The following MALRD1 variants were observed in gnomAD, a reference collection of about 807,000 sequenced individuals.
MALRD1 encodes the protein MAM and LDL receptor class A domain containing 1, also known as MAM and LDL-receptor class A domain-containing protein 1.
In MALRD1, 247 loss-of-function variants were observed where a neutral mutation model predicts 242.1. That is an observed-to-expected ratio of 1.02 (90% confidence interval 0.92 to 1.13). The LOEUF is 1.13. MALRD1 is among the 50% of genes most tolerant of loss of function. The pLI is 0.00. For synonymous variants in MALRD1, 995 were observed against 866.6 expected (o/e 1.15, Z -2.60); for missense variants, 2,989 against 2,533.1 (o/e 1.18, Z -3.86).
Position 19,650,238 on chromosome 10 carries a change from G to T in MALRD1, c.6137+34315G>T, listed in dbSNP as rs893055720. Among the ~76,000 whole-genome samples the T allele has an allele frequency of 1.1e-4, 17 of 152,124 alleles. No individual in the cohort carries two copies. In the South Asian group the frequency reaches 2.3e-3, roughly 20 times the overall value. ...TATCCTATCTGAAAAAGTCTACAGTGATGAAGCAAAAAGGAATTGTCCAAT... is the reference window on the plus strand; with the variant it reads ...TATCCTATCTGAAAAAGTCTACAGTTATGAAGCAAAAAGGAATTGTCCAAT... On this transcript the variant is annotated intron_variant, in intron 36 of 39. Transcript: ENST00000454679.
At chr10:19,634,432 A>T (rs1237431285) in intron 36 of MALRD1, among the ~76,000 whole-genome samples, 2 of 152,184 alleles carry the variant, frequency 1.3e-5, no homozygotes, top group African/African-American at 4.8e-5. Flanking sequence ...TAGAGTGCCC[A>T]TCACATTATT....
At chr10:19,485,574 C>T (rs555155607) in intron 29 of MALRD1, among the ~76,000 whole-genome samples, 10 of 151,328 alleles carry the variant, frequency 6.6e-5, no homozygotes, top group East Asian at 2.0e-4. Context: ...ACCAAGGAGG[C>T]GGACCTTGCA....
intron 9 of MALRD1, among the ~76,000 whole-genome samples, chr10:19,135,424 G>A (rs1282428965): frequency 6.6e-6 from 1 of 152,178 alleles, no homozygotes; most frequent in Non-Finnish European, 1.5e-5. Context: ...AAAGTGCTGG[G>A]ATTACAGGTG....
At chr10:19,291,686 T>C (rs1235476598) in intron 21 of MALRD1, among the ~76,000 whole-genome samples, 1 of 152,088 alleles carries the variant, frequency 6.6e-6, no homozygotes, top group African/African-American at 2.4e-5. Context: ...TCTCACCTAA[T>C]TCCAATTTTG....
intron 18 of MALRD1, among the ~76,000 whole-genome samples, chr10:19,224,251 G>A (rs1420993244): frequency 2.0e-5 from 3 of 151,182 alleles, no homozygotes; most frequent in Non-Finnish European, 2.9e-5. Flanking sequence ...TAACTGGCGC[G>A]AGATGGTATC....
At chr10:19,178,246 C>T (rs1163519690) in intron 14 of MALRD1, among the ~76,000 whole-genome samples, 1 of 152,068 alleles carries the variant, frequency 6.6e-6, no homozygotes, top group Non-Finnish European at 1.5e-5. Flanking sequence ...TGAATGATTC[C>T]TGAAAGATCA....
chr10:19,097,146 A>T (rs1836068480), intron 4 of MALRD1, among the ~76,000 whole-genome samples: 1 of 152,182 alleles, frequency 6.6e-6, no homozygotes, highest in Admixed American at 6.5e-5. Context: ...CTTCACAAAA[A>T]TCCTCTAAGG....
intron 29 of MALRD1, among the ~76,000 whole-genome samples, chr10:19,467,392 C>CAAAAAAAAA (rs71387079): frequency 1.9e-4 from 10 of 53,736 alleles, no homozygotes; most frequent in African/African-American, 6.6e-4. Context: ...GACTCCGTCT[C>CAAAAAAAAA]AAAAAAAAAA....
At chr10:19,636,674 G>A (rs187241325) in intron 36 of MALRD1, among the ~76,000 whole-genome samples, 35 of 152,146 alleles carry the variant, frequency 2.3e-4, no homozygotes, top group Non-Finnish European at 1.0e-4. Context: ...CGTGGCGAGT[G>A]GATCACCTGA....
At position 19,535,571 on chromosome 10, in the gene MALRD1, A is replaced by G. The variant is rs140357173; in HGVS notation, c.5478+4220A>G. On this transcript the variant is annotated intron_variant, in intron 32 of 39. Coordinates refer to ENST00000454679, the MANE Select transcript of MALRD1 (RefSeq NM_001142308.3). ...TATATACACATATGTACATATATGT[A>G]TATACGTATATATATATATGACAGG... 6.4e-3 allele frequency among the ~76,000 whole-genome samples: 966 copies of G among 150,686 alleles called. 6 individuals carry two copies. The highest frequency in any genetic ancestry group is 0.022 in the African/African-American group (897 of 41,146).
chr10:19,150,250 CT>C (rs1173981075), intron 11 of MALRD1, among the ~76,000 whole-genome samples: 1 of 152,042 alleles, frequency 6.6e-6, no homozygotes, highest in Non-Finnish European at 1.5e-5. Flanking sequence ...TTTTTGCACT[CT>C]GGTTGGTGAT....
rs996177801 is a variant in MALRD1 at position 19,293,164 on chromosome 10, A to C, written c.3419+9983A>C. Among the ~76,000 whole-genome samples the C allele has an allele frequency of 2.0e-5, 3 of 152,198 alleles. No individual in the cohort carries two copies. The East Asian group carries it at 5.8e-4, about 29-fold the overall frequency. ...ATTCTCCCAGCATAATTTCTAACAG[A>C]TCAAGACTTTTAACTAAAATAATGG... On this transcript the variant is annotated intron_variant, in intron 21 of 39. Transcript: ENST00000454679.
intron 25 of MALRD1, among the ~76,000 whole-genome samples, chr10:19,351,218 A>G (rs1844362131): frequency 6.6e-6 from 1 of 152,158 alleles, no homozygotes; most frequent in Non-Finnish European, 1.5e-5. Flanking sequence ...CCTCATTCAC[A>G]CAAATGACAA....
intron 26 of MALRD1, among the ~76,000 whole-genome samples, chr10:19,371,004 G>A (rs1440474972): frequency 2.0e-5 from 3 of 148,254 alleles, no homozygotes; most frequent in Non-Finnish European, 3.0e-5. Context: ...GGTATTGTTG[G>A]ATAGGATATC....
chr10:19,496,028 A>T (rs1161553777), intron 30 of MALRD1, among the ~76,000 whole-genome samples: 1 of 152,234 alleles, frequency 6.6e-6, no homozygotes, highest in Non-Finnish European at 1.5e-5. Flanking sequence ...TAACTATCCT[A>T]AATATATAGG....
At position 19,128,256 on chromosome 10, in the gene MALRD1, A is replaced by G. The variant is rs1190646914; in HGVS notation, c.979A>G (p.Thr327Ala). Residue 327 changes from threonine to alanine, a missense_variant, in exon 8 of 40, where the codon ACT becomes GCT. Physicochemically the swap from Thr to Ala is moderately conservative, Grantham distance 58. Coordinates refer to ENST00000454679, the MANE Select transcript of MALRD1 (RefSeq NM_001142308.3). Reference protein sequence around the residue: ...YVWVGAKHGFTLNHLDSRAYL... With the variant: ...YVWVGAKHGFALNHLDSRAYL... ...ATGGGTAGGCGCTAAGCATGGTTTCACTCTTAACCATTTAGACAGCAGGGC... is the reference window on the plus strand; with the variant it reads ...ATGGGTAGGCGCTAAGCATGGTTTCGCTCTTAACCATTTAGACAGCAGGGC... 8.1e-7 allele frequency: 1 copy of G among 1,233,382 alleles called. No homozygotes were observed. Among genetic ancestry groups the G allele is most frequent in the Non-Finnish European group, 1.0e-6 (1 of 987,846 alleles). 76.4% of individuals were successfully genotyped at this position (1,233,382 alleles called of 1,614,324 possible).
At chr10:19,123,408 A>G (rs960931114) in intron 5 of MALRD1, 84 bp from the exon 6 acceptor site, 3 of 706,270 alleles carry the variant, frequency 4.2e-6, no homozygotes, top group Non-Finnish European at 3.9e-6. Context: ...GCTTTGTAGA[A>G]TGAATATTAA....
intron 2 of MALRD1, among the ~76,000 whole-genome samples, chr10:19,073,218 T>A (rs1835211015): frequency 6.6e-6 from 1 of 152,100 alleles, no homozygotes; most frequent in Non-Finnish European, 1.5e-5. Flanking sequence ...CCAGGCCTCT[T>A]AACCCATTTT....
intron 2 of MALRD1, among the ~76,000 whole-genome samples, chr10:19,078,644 T>G (rs1048185343): frequency 6.6e-6 from 1 of 151,878 alleles, no homozygotes; most frequent in Admixed American, 6.6e-5. Context: ...GTAAGCCTTT[T>G]GTGCTGGAGC....
Sources: allele counts gnomAD v4.1 joint callset (sites outside exome capture counted in the v4.1 genomes callset), GRCh38; gene constraint gnomAD v4.1.1; transcripts MANE v1.5; gene names NCBI Gene and HGNC (gene_info 2026-07-23, HGNC 2026-07-21).